AHCYL2: variants seen among roughly 807,000 people sequenced by gnomAD.
The protein encoded by AHCYL2 is adenosylhomocysteinase like 2.
In AHCYL2, 28 loss-of-function variants were observed where a neutral mutation model predicts 81.4. The ratio of observed to expected loss-of-function variants is 0.34; its 90% CI spans 0.25 to 0.47. The LOEUF (loss-of-function observed/expected upper bound fraction) is 0.47. Among genes scored for constraint, AHCYL2 ranks in the 20% least tolerant of loss-of-function variants. AHCYL2 has a pLI of 1.00. For missense variants in AHCYL2, 551 were observed against 785.1 expected (o/e 0.70, Z 3.56); for synonymous variants, 272 against 290.2 (o/e 0.94, Z 0.64).
At chr7:129,294,537 T>G (rs1271233575) in intron 1 of AHCYL2, among the ~76,000 whole-genome samples, 1 of 152,170 alleles carries the variant, frequency 6.6e-6, no homozygotes, top group Non-Finnish European at 1.5e-5. Flanking sequence ...TTGAAGCCAG[T>G]TATCAATTTA....
In AHCYL2 at chr7:129,246,546, G is replaced by A. The variant is rs1054837838; in HGVS notation, c.363+21107G>A. ...AGGATCTCGCTCTGTCACTCTGGCT[G>A]GAGTGCCATGCTGTGAACTCGGCTC... On this transcript the variant is annotated intron_variant, in intron 1 of 16. Coordinates refer to ENST00000325006, the MANE Select transcript of AHCYL2 (RefSeq NM_015328.4). 3.3e-5 allele frequency among the ~76,000 whole-genome samples: 5 copies of A among 152,240 alleles called. No homozygotes were observed. In the South Asian group the frequency reaches 8.3e-4, roughly 25 times the overall value.
chr7:129,359,232 AAAG>A (rs1466432439), intron 1 of AHCYL2, among the ~76,000 whole-genome samples: 1 of 152,238 alleles, frequency 6.6e-6, no homozygotes, highest in Non-Finnish European at 1.5e-5. Context: ...AATACATTAA[AAAG>A]AAAAAAAGAC....
chr7:129,372,550 G>T (rs1177814371), intron 1 of AHCYL2, among the ~76,000 whole-genome samples: 1 of 152,146 alleles, frequency 6.6e-6, no homozygotes, highest in East Asian at 1.9e-4. Context: ...CCTCATGCCT[G>T]TAATCCCAGC....
intron 11 of AHCYL2, 66 bp downstream of exon 11, chr7:129,409,612 A>G: frequency 7.3e-7 from 1 of 1,363,152 alleles, no homozygotes; most frequent in Non-Finnish European, 1.0e-6. Flanking sequence ...GTGCAAGATG[A>G]TTGGAAATAT....
At chr7:129,277,916 T>C (rs1204862931) in intron 1 of AHCYL2, among the ~76,000 whole-genome samples, 1 of 152,208 alleles carries the variant, frequency 6.6e-6, no homozygotes, top group Non-Finnish European at 1.5e-5. Flanking sequence ...ATTAGAGATA[T>C]GTTTTTGTTC....
chr7:129,225,276 C>T lies in AHCYL2; in HGVS notation c.200C>T (p.Ser67Leu), dbSNP rs972174759. The change falls in exon 1 of 17, where the codon TCG (serine) becomes TTG (leucine). Residue 67 changes from serine to leucine, a missense_variant. By Grantham distance (145) the Ser-to-Leu change is moderately radical. Coordinates refer to ENST00000325006, the MANE Select transcript of AHCYL2 (RefSeq NM_015328.4). ...AERPPVPGPG[S>L]GPAAALSPAA... ...CGGCCCCCGGTCCCCGGCCCGGGCT[C>T]GGGGCCCGCCGCCGCTCTCAGCCCC... 8.3e-6 allele frequency: 12 copies of T among 1,451,418 alleles called. No homozygotes were observed. Among genetic ancestry groups the T allele is most frequent in the South Asian group, 1.4e-5 (1 of 73,124 alleles). The allele number at this position is 1,451,418 out of a possible 1,614,324, so 89.9% of individuals were successfully genotyped here.
chr7:129,225,743 C>T (rs1426667268), intron 1 of AHCYL2, among the ~76,000 whole-genome samples: 1 of 152,164 alleles, frequency 6.6e-6, no homozygotes, highest in Non-Finnish European at 1.5e-5. Flanking sequence ...GGCCCCAACA[C>T]GCTCCCGGGT....
chr7:129,345,967 A>G (rs1383986915), intron 1 of AHCYL2, among the ~76,000 whole-genome samples: 1 of 152,142 alleles, frequency 6.6e-6, no homozygotes, highest in Non-Finnish European at 1.5e-5. Context: ...TCCAATGAGC[A>G]ATTAAGTATA....
intron 1 of AHCYL2, among the ~76,000 whole-genome samples, chr7:129,315,100 C>G (rs901287959): frequency 2.0e-5 from 3 of 152,006 alleles, no homozygotes; most frequent in Non-Finnish European, 4.4e-5. Context: ...TCATTTTTTT[C>G]CTTCTGAAAA....
At chr7:129,410,151 T>C in intron 11 of AHCYL2, 1 of 1,598,384 alleles carries the variant, frequency 6.3e-7, no homozygotes, top group Middle Eastern at 1.7e-4. Context: ...GAACGATTAT[T>C]GGGCTTGGGT....
At chr7:129,375,816 T>G in intron 1 of AHCYL2, 1 of 1,534,160 alleles carries the variant, frequency 6.5e-7, no homozygotes, top group South Asian at 1.2e-5. Flanking sequence ...TTTAAAGGCC[T>G]GATCACAAGG....
At chr7:129,237,935 T>C (rs1005798251) in intron 1 of AHCYL2, among the ~76,000 whole-genome samples, 1 of 152,126 alleles carries the variant, frequency 6.6e-6, no homozygotes, top group Non-Finnish European at 1.5e-5. Flanking sequence ...TTGGCCAGGC[T>C]GGTCTTGAAC....
At chr7:129,242,513 T>C (rs553676141) in intron 1 of AHCYL2, among the ~76,000 whole-genome samples, 3 of 152,126 alleles carry the variant, frequency 2.0e-5, no homozygotes, top group East Asian at 3.9e-4. Flanking sequence ...GTCAGAAGTT[T>C]GAGACCAGTC....
Position 129,389,736 on chromosome 7 carries a change from T to A in AHCYL2, c.720+2T>A. 6.2e-7 allele frequency: 1 copy of A among 1,601,920 alleles called. No individual in the cohort carries two copies. Among genetic ancestry groups the A allele is most frequent in the Non-Finnish European group, 8.5e-7 (1 of 1,176,462 alleles). Reference sequence around the variant, plus strand: ...ACACACATCACTGCTCAGACTGCTGTGAGTTCTTTTCTTTTCTCCTTTTAA... The same window carrying A: ...ACACACATCACTGCTCAGACTGCTGAGAGTTCTTTTCTTTTCTCCTTTTAA... On this transcript the variant is annotated splice_donor_variant, in intron 4 of 16. Transcript: ENST00000325006. LOFTEE classifies it high-confidence loss of function.
At chr7:129,326,886 C>T (rs1235547923) in intron 1 of AHCYL2, among the ~76,000 whole-genome samples, 1 of 152,080 alleles carries the variant, frequency 6.6e-6, no homozygotes, top group African/African-American at 2.4e-5. Context: ...GTCAAGGCAA[C>T]TATGCTTTGG....
chr7:129,310,312 T>C (rs972559038), intron 1 of AHCYL2, among the ~76,000 whole-genome samples: 1 of 152,196 alleles, frequency 6.6e-6, no homozygotes, highest in Non-Finnish European at 1.5e-5. Flanking sequence ...GGTCACCTTT[T>C]CTCTGAAACC....
chr7:129,259,420 T>C (rs755332392), intron 1 of AHCYL2, among the ~76,000 whole-genome samples: 4 of 152,190 alleles, frequency 2.6e-5, no homozygotes, highest in Non-Finnish European at 5.9e-5. Context: ...AGTCATAAGA[T>C]TGTAAGTTTT....
At chr7:129,292,719 A>G (rs934216533) in intron 1 of AHCYL2, among the ~76,000 whole-genome samples, 9 of 152,126 alleles carry the variant, frequency 5.9e-5, no homozygotes, top group Non-Finnish European at 1.5e-5. Context: ...ATAAGCCGAG[A>G]TCATGCCACT....
intron 1 of AHCYL2, among the ~76,000 whole-genome samples, chr7:129,369,875 T>G (rs1222936532): frequency 1.3e-5 from 2 of 152,158 alleles, no homozygotes; most frequent in East Asian, 3.9e-4. Context: ...TAAAACATTT[T>G]GTGGAAAGAA....
Sources: gnomAD v4.1 joint callset for allele counts (sites outside exome capture counted in the v4.1 genomes callset) on GRCh38, gnomAD v4.1.1 for gene constraint, MANE v1.5 for transcripts, NCBI Gene and HGNC (gene_info 2026-07-23, HGNC 2026-07-21) for gene names.